MOK: variants seen among roughly 807,000 people sequenced by gnomAD.
MOK encodes MAPK/MAK/MRK overlapping kinase.
A neutral mutation model predicts 54.2 loss-of-function variants in MOK; 59 were observed. The observed-to-expected ratio is 1.09, with a 90% CI of 0.88 to 1.35. The LOEUF is 1.35. Among genes scored for constraint, MOK ranks in the 40% most tolerant of loss-of-function variants. The pLI is 0.00. For missense variants in MOK, 517 were observed against 526.2 expected (o/e 0.98, Z 0.17); for synonymous variants, 210 against 202.7 (o/e 1.04, Z -0.31).
chr14:102,247,811 G>A (rs966585311), intron 7 of MOK, among the ~76,000 whole-genome samples: 1 of 152,140 alleles, frequency 6.6e-6, no homozygotes. Flanking sequence ...CTAAAGGACC[G>A]AGCACAAAAA....
chr14:102,242,122 C>G (rs927397046), intron 7 of MOK, among the ~76,000 whole-genome samples: 2 of 152,254 alleles, frequency 1.3e-5, no homozygotes, highest in African/African-American at 4.8e-5. Flanking sequence ...ACCTGATTGC[C>G]TCGGAAGCCT....
At position 102,240,308 on chromosome 14, in the gene MOK, AGGGACGCGC is replaced by A. The variant is rs2065607511; in HGVS notation, c.591-6528_591-6520del. 1 of 152,498 alleles carries A rather than the reference AGGGACGCGC, an allele frequency of 6.6e-6. No individual in the cohort carries two copies. Among genetic ancestry groups the A allele is most frequent in the Admixed American group, 6.5e-5 (1 of 15,282 alleles). The allele number at this position is 152,498 out of a possible 1,614,324, so 9.4% of individuals were successfully genotyped here. A position where few individuals can be genotyped will look rare whatever the true frequency, so the allele number is the denominator to read the frequency against. On this transcript the variant is annotated intron_variant, in intron 7 of 11. Transcript: ENST00000361847. This position sits in a 1 kb window ranked among gnomAD's most constrained non-coding sequence, Gnocchi z 5.4. ...AAAGCCCGTTTGGTGGTCTCTTCAC[AGGGACGCGC>A]GTGACATTTGGTGCCGAAACCCGGG...
chr14:102,260,827 A>G (rs2067325988), intron 4 of MOK, among the ~76,000 whole-genome samples: 1 of 152,170 alleles, frequency 6.6e-6, no homozygotes, highest in South Asian at 2.1e-4. Context: ...TCCTAAAAAT[A>G]CATATATTCT....
intron 1 of MOK, among the ~76,000 whole-genome samples, chr14:102,289,142 T>C (rs373956727): frequency 1.3e-5 from 2 of 152,042 alleles, no homozygotes. Flanking sequence ...TCAGCACAAG[T>C]GATCCGCCCG....
intron 4 of MOK, among the ~76,000 whole-genome samples, chr14:102,257,927 A>G (rs530174218): frequency 1.8e-4 from 28 of 151,840 alleles, no homozygotes; most frequent in Middle Eastern, 6.8e-3. Flanking sequence ...CAGTGAGCAG[A>G]GATCACGCCA....
chr14:102,274,389 C>T (rs534369876), intron 2 of MOK, among the ~76,000 whole-genome samples: 8 of 150,920 alleles, frequency 5.3e-5, no homozygotes, highest in African/African-American at 1.2e-4. Flanking sequence ...CAAGCAGCTG[C>T]GACTACAGGT....
chr14:102,267,811 G>A (rs889463756), intron 2 of MOK, among the ~76,000 whole-genome samples: 1 of 152,104 alleles, frequency 6.6e-6, no homozygotes, highest in African/African-American at 2.4e-5. Context: ...AAAAGACACA[G>A]CCCACCATGC....
intron 1 of MOK, among the ~76,000 whole-genome samples, chr14:102,296,241 G>A (rs1221913962): frequency 3.2e-5 from 4 of 126,066 alleles, no homozygotes; most frequent in Admixed American, 8.8e-5. Flanking sequence ...CTGAGAGTAC[G>A]TCTCAAAAAA....
downstream of MOK, among the ~76,000 whole-genome samples, chr14:102,226,617 G>A (rs1250490110): frequency 1.3e-5 from 2 of 152,176 alleles, no homozygotes; most frequent in Non-Finnish European, 2.9e-5. The surrounding 1 kb of genome is among the most constrained non-coding windows in gnomAD (Gnocchi z 4.8). Flanking sequence ...ACGGACACAG[G>A]GAACCACACG....
At chr14:102,253,109 A>C (rs2066659550) in intron 4 of MOK, among the ~76,000 whole-genome samples, 1 of 152,196 alleles carries the variant, frequency 6.6e-6, no homozygotes, top group Non-Finnish European at 1.5e-5. Flanking sequence ...GGTTTGGGAA[A>C]CTGCCAATTA....
chr14:102,227,798 C>G (rs1486760154), downstream of MOK, among the ~76,000 whole-genome samples: 1 of 152,238 alleles, frequency 6.6e-6, no homozygotes, highest in Admixed American at 6.5e-5. Flanking sequence ...CGCGGTCCAT[C>G]TCCTGCGGCC....
At chr14:102,247,554 G>A (rs1198554605) in intron 7 of MOK, 1 of 152,134 alleles carries the variant, frequency 6.6e-6, no homozygotes, top group African/African-American at 2.4e-5. Flanking sequence ...CTGAGACTGC[G>A]GGATTAACCA....
chr14:102,264,814 G>A (rs552537839), intron 3 of MOK, among the ~76,000 whole-genome samples: 26 of 152,282 alleles, frequency 1.7e-4, no homozygotes, highest in Non-Finnish European at 3.2e-4. Flanking sequence ...TTCCTTGGCC[G>A]ATCTTACAGG....
intron 4 of MOK, among the ~76,000 whole-genome samples, chr14:102,255,108 C>T (rs1180280006): frequency 3.3e-5 from 5 of 152,020 alleles, no homozygotes; most frequent in East Asian, 1.9e-4. Context: ...TCACGAGGTC[C>T]GGAGATCGAG....
intron 7 of MOK, among the ~76,000 whole-genome samples, chr14:102,242,381 A>G (rs1484963991): frequency 6.6e-6 from 1 of 152,138 alleles, no homozygotes; most frequent in Non-Finnish European, 1.5e-5. Context: ...AGGTGGAGAC[A>G]TTTTAACTAA....
chr14:102,261,767 C>T (rs1279002942), intron 4 of MOK, among the ~76,000 whole-genome samples: 1 of 151,144 alleles, frequency 6.6e-6, no homozygotes, highest in Non-Finnish European at 1.5e-5. Context: ...GAACTCCTGA[C>T]CTCAAGTGAT....
intron 7 of MOK, chr14:102,246,163 G>A (rs2066075490): frequency 6.6e-6 from 1 of 152,036 alleles, no homozygotes; most frequent in Admixed American, 6.6e-5. Context: ...CTTACAGCAG[G>A]AATCACAATC....
chr14:102,248,985 C>T (rs114894389), intron 7 of MOK, among the ~76,000 whole-genome samples: 5,939 of 152,100 alleles, frequency 0.039, 116 homozygotes, highest in Middle Eastern at 0.051. Context: ...CTCCATTCTG[C>T]CTAGTCCCCT....
chr14:102,270,681 T>C (rs2068280378), intron 2 of MOK, among the ~76,000 whole-genome samples: 1 of 151,984 alleles, frequency 6.6e-6, no homozygotes, highest in Admixed American at 6.6e-5. Flanking sequence ...GGTAAACAAA[T>C]TCCTCAAAAA....
Sources: gnomAD v4.1 joint callset for allele counts (sites outside exome capture counted in the v4.1 genomes callset) on GRCh38, gnomAD v4.1.1 for gene constraint, Gnocchi (gnomAD v3.1) non-coding constraint, MANE v1.5 for transcripts, NCBI Gene and HGNC (gene_info 2026-07-23, HGNC 2026-07-21) for gene names.